EIF3E: variants seen among roughly 807,000 people sequenced by gnomAD.
EIF3E encodes eukaryotic translation initiation factor 3 subunit E, also known as eIF-3 p48.
EIF3E carries 25 observed loss-of-function variants against 59.3 expected under a neutral mutation model. The observed-to-expected ratio is 0.42, with a 90% confidence interval of 0.31 to 0.59. The LOEUF (loss-of-function observed/expected upper bound fraction) is 0.59. Among genes scored for constraint, EIF3E ranks in the 20% least tolerant of loss-of-function variants. EIF3E has a pLI of 0.15. For synonymous variants in EIF3E, 176 were observed against 170.2 expected (o/e 1.03, Z -0.26); for missense variants, 317 against 534.3 (o/e 0.59, Z 4.01).
At chr8:108,248,572 A>G in intron 1 of EIF3E, 41 bp downstream of exon 1, 1 of 1,604,534 alleles carries the variant, frequency 6.2e-7, no homozygotes, top group Non-Finnish European at 8.5e-7. Flanking sequence ...TCAGCACCTC[A>G]TCCGCCCCCA....
At position 108,204,760 on chromosome 8, in the gene EIF3E, GAGAGAGAGAGAGAGAGAGAGAC is replaced by G. The variant is rs1369068848; in HGVS notation, c.1062-1279_1062-1258del. Among the ~76,000 whole-genome samples, 1,239 of 130,812 alleles carry G rather than the reference GAGAGAGAGAGAGAGAGAGAGAC, an allele frequency of 9.5e-3. 27 individuals carry two copies. Among genetic ancestry groups the G allele is most frequent in the African/African-American group, 0.038 (1,146 of 30,394 alleles). The allele number at this position is 130,812 out of a possible 152,430, so 85.8% of individuals were successfully genotyped here. ...ATATATATATATAGAGAGAGAGAGA[GAGAGAGAGAGAGAGAGAGAGAC>G]AGAGAGAGAGAGAGAGAGAGACTGA... On this transcript the variant is annotated intron_variant, in intron 10 of 12. Coordinates refer to ENST00000220849, the MANE Select transcript of EIF3E (RefSeq NM_001568.3).
At chr8:108,219,055 G>A (rs140068758) in intron 7 of EIF3E, among the ~76,000 whole-genome samples, 404 of 152,058 alleles carry the variant, frequency 2.7e-3, no homozygotes, top group African/African-American at 9.2e-3. Flanking sequence ...AAAGTGCTGG[G>A]ATTACAGGCA....
At chr8:108,240,207 T>C (rs761446319) in intron 2 of EIF3E, 132 bp from the exon 3 acceptor site, 13 of 754,892 alleles carry the variant, frequency 1.7e-5, no homozygotes, top group African/African-American at 3.5e-5. Flanking sequence ...TATATTCATA[T>C]GCCATGGGCT....
At chr8:108,224,227 A>C (rs971028002) in intron 7 of EIF3E, among the ~76,000 whole-genome samples, 3 of 151,478 alleles carry the variant, frequency 2.0e-5, no homozygotes, top group Non-Finnish European at 2.9e-5. Context: ...GTCTCAAAAA[A>C]AATAAAAATA....
rs542525416 is a variant in EIF3E at position 108,232,058 on chromosome 8, AAAATT to A, written c.472-2868_472-2864del. On this transcript the variant is annotated intron_variant, in intron 5 of 12. Transcript: ENST00000220849. ...ATAAAAAAAGGCCACTGCAAAAAAT[AAAATT>A]AATTAACTAAAAAGTAAAACACTGA... is the stretch of plus-strand genomic sequence containing the variant. 21 of 152,300 alleles carry A rather than the reference AAAATT, an allele frequency of 1.4e-4. No individual in the cohort carries two copies. The East Asian group carries it at 4.0e-3, about 29-fold the overall frequency. 9.4% of individuals were successfully genotyped at this position (152,300 alleles called of 1,614,324 possible).
intron 5 of EIF3E, 44 bp downstream of exon 5, chr8:108,234,954 A>C (rs747821965): frequency 3.1e-6 from 4 of 1,300,006 alleles, no homozygotes; most frequent in Non-Finnish European, 2.1e-6. Context: ...GGAATCCTAC[A>C]AAAGACAAAA....
intron 10 of EIF3E, among the ~76,000 whole-genome samples, chr8:108,205,045 G>A (rs1029172982): frequency 6.6e-6 from 1 of 152,048 alleles, no homozygotes; most frequent in African/African-American, 2.4e-5. Context: ...TTAAGAGTAT[G>A]TAGTATACAT....
At chr8:108,234,869 C>T (rs1586207024) in intron 5 of EIF3E, 129 bp downstream of exon 5, 2 of 470,000 alleles carry the variant, frequency 4.3e-6, no homozygotes, top group East Asian at 7.3e-5. Flanking sequence ...TTACTTTTTT[C>T]TCTTTTGCCA....
intron 10 of EIF3E, among the ~76,000 whole-genome samples, chr8:108,204,132 A>T (rs929470096): frequency 6.6e-6 from 1 of 152,060 alleles, no homozygotes; most frequent in Non-Finnish European, 1.5e-5. Context: ...GGCATCCAGG[A>T]GGGTCCTAGA....
At chr8:108,235,286 T>C (rs1487351800) in intron 4 of EIF3E, among the ~76,000 whole-genome samples, 184 bp from the exon 5 acceptor site, 4 of 152,186 alleles carry the variant, frequency 2.6e-5, no homozygotes, top group African/African-American at 9.7e-5. Flanking sequence ...TGGGAGACTT[T>C]TATAGAACTG....
intron 7 of EIF3E, chr8:108,221,473 A>T (rs759750414): frequency 2.0e-5 from 3 of 152,196 alleles, no homozygotes; most frequent in Non-Finnish European, 4.4e-5. Flanking sequence ...ATGTGGATGT[A>T]TATTATTAGC....
intron 7 of EIF3E, among the ~76,000 whole-genome samples, chr8:108,225,155 C>A (rs1815495397): frequency 6.6e-6 from 1 of 151,502 alleles, no homozygotes; most frequent in South Asian, 2.1e-4. Flanking sequence ...GAATGGCAGA[C>A]AAACTAAAGC....
intron 7 of EIF3E, among the ~76,000 whole-genome samples, chr8:108,223,448 G>A (rs1815458228): frequency 6.6e-6 from 1 of 152,050 alleles, no homozygotes; most frequent in African/African-American, 2.4e-5. Flanking sequence ...GAAAATATAA[G>A]GAAAATAACA....
At chr8:108,233,662 C>T (rs1268039201) in intron 5 of EIF3E, 1 of 410,600 alleles carries the variant, frequency 2.4e-6, no homozygotes, top group Non-Finnish European at 4.9e-6. Context: ...GGCAACATAG[C>T]AAGACTCCAT....
chr8:108,205,040 AGTATGTAGTATACATGCAT>A (rs776196151), intron 10 of EIF3E, among the ~76,000 whole-genome samples: 1 of 152,060 alleles, frequency 6.6e-6, no homozygotes, highest in Non-Finnish European at 1.5e-5. Context: ...AATATTTAAG[AGTATGTAGTATACATGCAT>A]GTATGTATGT....
At chr8:108,215,116 A>G (rs1171119986) in intron 9 of EIF3E, among the ~76,000 whole-genome samples, 1 of 152,244 alleles carries the variant, frequency 6.6e-6, no homozygotes, top group Non-Finnish European at 1.5e-5. Flanking sequence ...AAAGGTGGCT[A>G]CTATTCCACA....
At chr8:108,248,140 C>T (rs1375743424) in intron 1 of EIF3E, among the ~76,000 whole-genome samples, 2 of 151,986 alleles carry the variant, frequency 1.3e-5, no homozygotes, top group Admixed American at 6.6e-5. Context: ...GAAATTAAAG[C>T]GCTAGATACT....
At chr8:108,238,114 T>G (rs998631186) in intron 3 of EIF3E, among the ~76,000 whole-genome samples, 1 of 152,222 alleles carries the variant, frequency 6.6e-6, no homozygotes, top group Non-Finnish European at 1.5e-5. Flanking sequence ...CTAAATTTTC[T>G]GTTGTAGTCT....
At chr8:108,239,914 C>T (rs1815804100) in intron 3 of EIF3E, 44 bp downstream of exon 3, 1 of 1,454,370 alleles carries the variant, frequency 6.9e-7, no homozygotes, top group African/African-American at 1.4e-5. Flanking sequence ...TTGTATTAAT[C>T]CAGAAAGGAG....
Sources: gnomAD v4.1 joint callset for allele counts (sites outside exome capture counted in the v4.1 genomes callset) on GRCh38, gnomAD v4.1.1 for gene constraint, MANE v1.5 for transcripts, NCBI Gene and HGNC (gene_info 2026-07-23, HGNC 2026-07-21) for gene names.